STYXL2: variants seen among roughly 807,000 people sequenced by gnomAD.
The protein encoded by STYXL2 is serine/threonine/tyrosine interacting like 2, also known as serine/threonine/tyrosine-interacting-like protein 2.
STYXL2 carries 44 observed loss-of-function variants against 52.4 expected under a neutral mutation model. The observed-to-expected ratio is 0.84, with a 90% CI of 0.66 to 1.08. STYXL2 has a LOEUF of 1.08. Ranked by LOEUF, STYXL2 falls within the 50% of genes least tolerant of loss-of-function variation. The pLI is 0.00. For missense variants in STYXL2, 1,604 were observed against 1,471.7 expected (o/e 1.09, Z -1.47); for synonymous variants, 604 against 586.9 (o/e 1.03, Z -0.42).
chr1:167,125,269 G>A (rs998292404), intron 5 of STYXL2, among the ~76,000 whole-genome samples: 2 of 152,178 alleles, frequency 1.3e-5, no homozygotes, highest in African/African-American at 4.8e-5. Context: ...CAAAAATGGA[G>A]TGAATTGTGT....
chr1:167,096,100 A>G (rs1667280433), intron 2 of STYXL2, among the ~76,000 whole-genome samples: 1 of 152,076 alleles, frequency 6.6e-6, no homozygotes, highest in South Asian at 2.1e-4. Flanking sequence ...TCTACTAAAA[A>G]TACAAAACTT....
Position 167,117,371 on chromosome 1 carries a change from C to T in STYXL2, c.249C>T (p.Gly83=). ...TCAGAGCAGACGCAGAGTGTCCAGGCATGCTGGAGTCTGCTGAACAGCTGC... is the reference window on the plus strand; with the variant it reads ...TCAGAGCAGACGCAGAGTGTCCAGGTATGCTGGAGTCTGCTGAACAGCTGC... The part of the protein sequence containing the change: ...PGVRADAECP[G]MLESAEQLLV... The change falls in exon 4 of 6, where the codon GGC becomes GGT. Residue 83 remains glycine, a synonymous_variant. Coordinates refer to ENST00000361200, the MANE Select transcript of STYXL2 (RefSeq NM_001080426.3). 1 of 1,612,220 alleles carries T rather than the reference C, an allele frequency of 6.2e-7. No individual in the cohort carries two copies. Among genetic ancestry groups the T allele is most frequent in the East Asian group, 2.2e-5 (1 of 44,822 alleles).
rs936556006 is a variant in STYXL2, at chr1:167,126,289, C to T, written c.1158C>T (p.Asp386=). Residue 386 remains aspartate (D), a synonymous_variant, in exon 6 of 6, where the codon GAC becomes GAT. Coordinates refer to ENST00000361200, the MANE Select transcript of STYXL2 (RefSeq NM_001080426.3). Reference sequence around the variant, plus strand: ...GCCAGGGTGGGGAGGAGCTCGAGGACGAGGACGTGGAGAGGATCATCCAGG... The same window carrying T: ...GCCAGGGTGGGGAGGAGCTCGAGGATGAGGACGTGGAGAGGATCATCCAGG... ...SSGQGGEELE[D]EDVERIIQEW... 1.8e-5 allele frequency: 28 copies of T among 1,530,054 alleles called. No homozygotes were observed. The highest frequency in any genetic ancestry group is 1.2e-4 in the East Asian group (5 of 42,556). 94.8% of individuals were successfully genotyped at this position (1,530,054 alleles called of 1,614,324 possible). A position where few individuals can be genotyped will look rare whatever the true frequency, so the allele number is the denominator to read the frequency against.
chr1:167,111,507 T>TAC (rs1667620100), intron 2 of STYXL2, among the ~76,000 whole-genome samples: 1 of 49,944 alleles, frequency 2.0e-5, no homozygotes, highest in Non-Finnish European at 3.3e-5. Context: ...TATATATATA[T>TAC]ATATATACAC....
In STYXL2 at chr1:167,128,265, C is replaced by T; in HGVS notation, c.3134C>T (p.Thr1045Ile). Residue 1045 changes from threonine (T) to isoleucine (I), a missense_variant, in exon 6 of 6, where the codon ACC becomes ATC. Physicochemically the swap from Thr to Ile is moderately conservative, Grantham distance 89. Transcript: ENST00000361200. ...ESPEPYFFRR[T>I]PESSEREESP... ...CCAGAGCCCTACTTCTTCCGCCGGA[C>T]CCCAGAGTCCTCAGAAAGGGAAGAG... The T allele has an allele frequency of 6.2e-7, 1 of 1,614,136 alleles. No homozygotes were observed. Among genetic ancestry groups the T allele is most frequent in the Non-Finnish European group, 8.5e-7 (1 of 1,180,024 alleles).
At chr1:167,111,334 T>A (rs1375230071) in intron 2 of STYXL2, among the ~76,000 whole-genome samples, 1 of 151,670 alleles carries the variant, frequency 6.6e-6, no homozygotes, top group African/African-American at 2.4e-5. Context: ...CCTGAGTATC[T>A]ACCCAGAGGA....
At position 167,094,857 on chromosome 1, in the gene STYXL2, C is replaced by G. The variant is rs943678706; in HGVS notation, c.8C>G (p.Thr3Ser). 6.2e-6 allele frequency: 10 copies of G among 1,613,078 alleles called. No homozygotes were observed. The highest frequency in any genetic ancestry group is 8.5e-6 in the Non-Finnish European group (10 of 1,179,674). ...AGAGGTTGGCAGGTTGTCATGGCGA[C>G]CAGAAAGGACACAGAGGAGGAGCAG... The part of the protein sequence containing the change: MA[T>S]RKDTEEEQVV... The change falls in exon 2 of 6, where the codon ACC (threonine) becomes AGC (serine). Residue 3 changes from threonine to serine, a missense_variant. Physicochemically the swap from Thr to Ser is moderately conservative, Grantham distance 58. Transcript: ENST00000361200.
Position 167,127,312 on chromosome 1 carries a change from T to C in STYXL2, c.2181T>C (p.Ile727=). Residue 727 remains isoleucine, a synonymous_variant, in exon 6 of 6, where the codon ATT becomes ATC. Coordinates refer to ENST00000361200, the MANE Select transcript of STYXL2 (RefSeq NM_001080426.3). ...CCATTGCCAGTATCCAGAACTGGAT[T>C]GCCAATGTAGTCAGTGAGACCCTTG... is the stretch of plus-strand genomic sequence containing the variant. The part of the protein sequence containing the change: ...TISIASIQNW[I]ANVVSETLAQ... 1 of 1,614,222 alleles carries C rather than the reference T, an allele frequency of 6.2e-7. No individual in the cohort carries two copies. The highest frequency in any genetic ancestry group is 8.5e-7 in the Non-Finnish European group (1 of 1,180,036).
At chr1:167,094,740 G>A in intron 1 of STYXL2, 94 bp from the exon 2 acceptor site, 1 of 835,298 alleles carries the variant, frequency 1.2e-6, no homozygotes, top group East Asian at 2.7e-5. Context: ...CCTAGTCCTA[G>A]TTCCACTGAG....
rs67628760 is a variant in STYXL2, at chr1:167,129,076, AT to A, written c.*481del. The stretch of plus-strand genomic sequence containing the variant: ...CCTCTCCTGGCAATGCTCAGTTCTG[AT>A]TTTTTTTTTTTTAATGTTTTGAGTC... On this transcript the variant is annotated 3_prime_UTR_variant, in exon 6 of 6. Coordinates refer to ENST00000361200, the MANE Select transcript of STYXL2 (RefSeq NM_001080426.3). 0.58 allele frequency: 86,152 copies of A among 149,552 alleles called. 26,526 individuals are homozygous for A. Among genetic ancestry groups the A allele is most frequent in the East Asian group, 0.9 (4,558 of 5,080 alleles). The allele number at this position is 149,552 out of a possible 1,614,324, so 9.3% of individuals were successfully genotyped here. A position where few individuals can be genotyped will look rare whatever the true frequency, so the allele number is the denominator to read the frequency against.
intron 2 of STYXL2, among the ~76,000 whole-genome samples, chr1:167,098,760 G>A (rs758082857): frequency 2.6e-5 from 4 of 152,122 alleles, no homozygotes; most frequent in Non-Finnish European, 5.9e-5. Context: ...ATTTACCTGG[G>A]CTTTTGGCCG....
chr1:167,101,353 T>C (rs1220897975), intron 2 of STYXL2, among the ~76,000 whole-genome samples: 2 of 152,224 alleles, frequency 1.3e-5, no homozygotes, highest in Non-Finnish European at 2.9e-5. Flanking sequence ...TGTAGAGTAC[T>C]TGGGACAATC....
chr1:167,108,376 T>C (rs990605574), intron 2 of STYXL2, among the ~76,000 whole-genome samples: 1 of 152,158 alleles, frequency 6.6e-6, no homozygotes, highest in Non-Finnish European at 1.5e-5. Context: ...GTAATGAGAT[T>C]CCAAAGATCT....
chr1:167,118,222 A>T (rs930560297), intron 4 of STYXL2, among the ~76,000 whole-genome samples: 1 of 152,204 alleles, frequency 6.6e-6, no homozygotes, highest in Non-Finnish European at 1.5e-5. Context: ...AAAGTTTATC[A>T]GCGGTTTCCA....
Position 167,126,783 on chromosome 1 carries a change from G to T in STYXL2, c.1652G>T (p.Arg551Ile). The change falls in exon 6 of 6, where the codon AGA (arginine) becomes ATA (isoleucine). Residue 551 changes from arginine (R) to isoleucine (I), a missense_variant. Transcript: ENST00000361200. ...GCCCTGGAAAGATGGAAGATCAAGAGAATCCAATTTGGATTTCACAAGAAA... is the reference window on the plus strand; with the variant it reads ...GCCCTGGAAAGATGGAAGATCAAGATAATCCAATTTGGATTTCACAAGAAA... ...LTALERWKIK[R>I]IQFGFHKKDL... is the part of the protein sequence containing the mutation. 1.2e-6 allele frequency: 2 copies of T among 1,614,220 alleles called. No individual in the cohort carries two copies. Among genetic ancestry groups the T allele is most frequent in the Non-Finnish European group, 8.5e-7 (1 of 1,180,042 alleles).
Position 167,128,001 on chromosome 1 carries a change from G to T in STYXL2, c.2870G>T (p.Ser957Ile). ...CCTTTCCAAAGTGACTGGTCTGGAA[G>T]TTCCAGAGGGAAGTACACCAGATCG... ...KPPFQSDWSG[S>I]SRGKYTRSSL... Residue 957 changes from serine (S) to isoleucine (I), a missense_variant, in exon 6 of 6, where the codon AGT (serine) becomes ATT (isoleucine). Physicochemically the swap from Ser to Ile is moderately radical, Grantham distance 142. Coordinates refer to ENST00000361200, the MANE Select transcript of STYXL2 (RefSeq NM_001080426.3). 6.2e-7 allele frequency: 1 copy of T among 1,614,212 alleles called. No homozygotes were observed. The highest frequency in any genetic ancestry group is 8.5e-7 in the Non-Finnish European group (1 of 1,180,032).
intron 2 of STYXL2, among the ~76,000 whole-genome samples, chr1:167,098,107 G>A (rs1052419493): frequency 2.7e-5 from 4 of 148,914 alleles, no homozygotes; most frequent in African/African-American, 1.0e-4. Context: ...TGCCTCCAGG[G>A]TTCAAGTGAG....
At chr1:167,098,932 A>G (rs1036212198) in intron 2 of STYXL2, among the ~76,000 whole-genome samples, 2 of 152,212 alleles carry the variant, frequency 1.3e-5, no homozygotes, top group African/African-American at 4.8e-5. Context: ...TACTCTGCTG[A>G]CACAAATGTC....
At chr1:167,094,774 C>A (rs1667244694) in intron 1 of STYXL2, 60 bp from the exon 2 acceptor site, 1 of 1,195,534 alleles carries the variant, frequency 8.4e-7, no homozygotes. Context: ...CACAACTTCT[C>A]CCCCAACAAA....
Sources: gnomAD v4.1 joint callset for allele counts (sites outside exome capture counted in the v4.1 genomes callset) on GRCh38, gnomAD v4.1.1 for gene constraint, MANE v1.5 for transcripts, NCBI Gene and HGNC (gene_info 2026-07-23, HGNC 2026-07-21) for gene names.